DHRS7B: variants seen among roughly 807,000 people sequenced by gnomAD.
DHRS7B encodes dehydrogenase/reductase 7B, also known as peroxisomal reductase activating PPAR-gamma.
Under a neutral mutation model 26.4 loss-of-function variants are expected in DHRS7B, and 24 were observed. That is an observed-to-expected ratio of 0.91 (90% CI 0.66 to 1.28). The LOEUF (loss-of-function observed/expected upper bound fraction) is 1.28. DHRS7B is among the 50% of genes most tolerant of loss of function. DHRS7B has a pLI of 0.00. For synonymous variants in DHRS7B, 142 were observed against 166.4 expected (o/e 0.85, Z 1.13); for missense variants, 368 against 419.4 (o/e 0.88, Z 1.07).
rs575094613 is a variant in DHRS7B at position 21,182,615 on chromosome 17, T to G, written c.310-979T>G. ...GTTGCCCAGGCTGGCCTCGAACTCC[T>G]GGGCTCAAGCAAGCCTCCCTCCTCA... On this transcript the variant is annotated intron_variant, in intron 3 of 6. Coordinates refer to ENST00000395511, the MANE Select transcript of DHRS7B (RefSeq NM_015510.5). Among the ~76,000 whole-genome samples, 10 of 152,188 alleles carry G rather than the reference T, an allele frequency of 6.6e-5. No individual in the cohort carries two copies. The East Asian group carries it at 1.7e-3, about 26-fold the overall frequency.
chr17:21,132,243 A>G (rs1973244841), intron 1 of DHRS7B, among the ~76,000 whole-genome samples: 1 of 151,918 alleles, frequency 6.6e-6, no homozygotes, highest in South Asian at 2.1e-4. Flanking sequence ...GCTTACACCT[A>G]TAATCCCAGC....
chr17:21,134,286 A>ATTTTT (rs945898638), intron 1 of DHRS7B, among the ~76,000 whole-genome samples: 2 of 151,610 alleles, frequency 1.3e-5, no homozygotes, highest in African/African-American at 2.4e-5. Flanking sequence ...AGCAAGAATA[A>ATTTTT]TTTTTTTTTA....
At chr17:21,170,507 C>G (rs563864493) in intron 1 of DHRS7B, among the ~76,000 whole-genome samples, 2 of 152,194 alleles carry the variant, frequency 1.3e-5, no homozygotes, top group East Asian at 3.9e-4. Context: ...GGAGCTTTAT[C>G]CATGCAGCAG....
intron 1 of DHRS7B, among the ~76,000 whole-genome samples, chr17:21,138,129 CACAT>C (rs1263902504): frequency 2.1e-5 from 3 of 140,020 alleles, no homozygotes; most frequent in Non-Finnish European, 3.1e-5. Context: ...CACACACACA[CACAT>C]ATATTTATTG....
chr17:21,134,356 T>C (rs1034330806), intron 1 of DHRS7B, among the ~76,000 whole-genome samples: 1 of 152,224 alleles, frequency 6.6e-6, no homozygotes, highest in African/African-American at 2.4e-5. Context: ...CAGATAAGAC[T>C]TTCTAAAGCT....
At chr17:21,138,566 A>G (rs1973419141) in intron 1 of DHRS7B, among the ~76,000 whole-genome samples, 2 of 152,140 alleles carry the variant, frequency 1.3e-5, no homozygotes, top group African/African-American at 4.8e-5. Context: ...TTTTAGGACT[A>G]AATTTACCAT....
intron 1 of DHRS7B, among the ~76,000 whole-genome samples, chr17:21,151,914 G>A (rs964223134): frequency 3.3e-5 from 5 of 152,110 alleles, no homozygotes; most frequent in African/African-American, 9.7e-5. Flanking sequence ...TGCTGTCCTC[G>A]CAACAGTGAG....
intron 1 of DHRS7B, among the ~76,000 whole-genome samples, chr17:21,130,724 C>T (rs903714459): frequency 1.3e-5 from 2 of 152,094 alleles, no homozygotes; most frequent in African/African-American, 2.4e-5. Flanking sequence ...AATTTACTTA[C>T]AGTACAGTAA....
intron 5 of DHRS7B, among the ~76,000 whole-genome samples, chr17:21,186,671 T>C (rs184913634): frequency 5.4e-4 from 82 of 152,340 alleles, no homozygotes; most frequent in African/African-American, 1.7e-3. Flanking sequence ...CATTTACAAT[T>C]CTGAATTGGA....
intron 1 of DHRS7B, among the ~76,000 whole-genome samples, chr17:21,143,115 G>A (rs992519177): frequency 6.6e-6 from 1 of 152,200 alleles, no homozygotes; most frequent in African/African-American, 2.4e-5. Flanking sequence ...TTTTAGTAGA[G>A]ACAGGGTTTC....
At chr17:21,128,609 A>T (rs1973154617) in intron 1 of DHRS7B, 1 of 151,966 alleles carries the variant, frequency 6.6e-6, no homozygotes, top group Admixed American at 6.6e-5. Flanking sequence ...CTGAGGCAGG[A>T]GAATGGCGTG....
chr17:21,177,521 C>T (rs1275394397), intron 2 of DHRS7B, among the ~76,000 whole-genome samples: 2 of 152,334 alleles, frequency 1.3e-5, no homozygotes, highest in East Asian at 3.9e-4. Context: ...TGCTTTCCTC[C>T]AGTGTCCCCA....
At chr17:21,132,779 G>A (rs1973267480) in intron 1 of DHRS7B, among the ~76,000 whole-genome samples, 1 of 152,184 alleles carries the variant, frequency 6.6e-6, no homozygotes, top group Non-Finnish European at 1.5e-5. Flanking sequence ...AATATGTAAG[G>A]AGGCAGCTTT....
chr17:21,186,770 G>A (rs551216659), intron 5 of DHRS7B, among the ~76,000 whole-genome samples: 3 of 152,316 alleles, frequency 2.0e-5, no homozygotes, highest in Admixed American at 1.3e-4. Context: ...ACCTTTTACC[G>A]GGTTGTGAAG....
chr17:21,172,705 C>T (rs1974287705), intron 2 of DHRS7B, among the ~76,000 whole-genome samples: 1 of 152,172 alleles, frequency 6.6e-6, no homozygotes, highest in African/African-American at 2.4e-5. Flanking sequence ...GTCCCCTCAG[C>T]ATGGTCTAGA....
chr17:21,170,965 G>T (rs1020762001), intron 1 of DHRS7B, among the ~76,000 whole-genome samples: 1 of 152,052 alleles, frequency 6.6e-6, no homozygotes, highest in Non-Finnish European at 1.5e-5. Flanking sequence ...AGTCTGGTTT[G>T]CCAGAACTCT....
chr17:21,182,748 G>C (rs182159824), intron 3 of DHRS7B, among the ~76,000 whole-genome samples: 80 of 152,214 alleles, frequency 5.3e-4, no homozygotes, highest in African/African-American at 1.8e-3. Context: ...AATCCCACTT[G>C]GTCATGGTGA....
At chr17:21,171,302 A>G (rs540946197) in intron 1 of DHRS7B, among the ~76,000 whole-genome samples, 1 of 152,370 alleles carries the variant, frequency 6.6e-6, no homozygotes, top group Non-Finnish European at 1.5e-5. Context: ...TCAACTGCAC[A>G]CTGTTGCACA....
chr17:21,168,557 C>T lies in DHRS7B; in HGVS notation c.21-3461C>T, dbSNP rs552421484. On this transcript the variant is annotated intron_variant, in intron 1 of 6. Transcript: ENST00000395511. ...TTAGTTTATGTGTTTTTTGTAGAGACGGGATTTCACCATGTTGCCCGGGCT... is the reference window on the plus strand; with the variant it reads ...TTAGTTTATGTGTTTTTTGTAGAGATGGGATTTCACCATGTTGCCCGGGCT... Among the ~76,000 whole-genome samples, 5 of 152,170 alleles carry T rather than the reference C, an allele frequency of 3.3e-5. No individual in the cohort carries two copies. In the East Asian group the frequency reaches 5.8e-4, roughly 18 times the overall value.
Sources: allele counts gnomAD v4.1 joint callset (sites outside exome capture counted in the v4.1 genomes callset), GRCh38; gene constraint gnomAD v4.1.1; transcripts MANE v1.5; gene names NCBI Gene and HGNC (gene_info 2026-07-23, HGNC 2026-07-21).